Variants in SCGB2B2 observed in about 807,000 individuals in gnomAD.
SCGB2B2 encodes secretoglobin-like protein.
A neutral mutation model predicts 7.6 loss-of-function variants in SCGB2B2; 11 were observed. That is an observed-to-expected ratio of 1.45 (90% CI 0.91 to 2.40). The LOEUF is 2.40. Among genes scored for constraint, SCGB2B2 ranks in the 30% most tolerant of loss-of-function variants. The pLI, the probability that SCGB2B2 is intolerant of heterozygous loss-of-function variation, is 0.00. For missense variants in SCGB2B2, 104 were observed against 115.4 expected, an observed-to-expected ratio of 0.90 and a Z score of 0.45; for synonymous variants, 50 against 48.6, an observed-to-expected ratio of 1.03 and a Z score of -0.12.
chr19:34,642,933 A>C (rs1356719767), intron 1 of SCGB2B2, among the ~76,000 whole-genome samples: 1 of 152,220 alleles, frequency 6.6e-6, no homozygotes, highest in Non-Finnish European at 1.5e-5. Flanking sequence ...GATATGGAGA[A>C]AAATGAACTC....
chr19:34,663,983 C>A (rs1463618760), intron 1 of SCGB2B2, among the ~76,000 whole-genome samples: 2 of 150,392 alleles, frequency 1.3e-5, no homozygotes, highest in East Asian at 4.0e-4. Flanking sequence ...CCACCCCACC[C>A]CTCCCCCATG....
At chr19:34,645,715 C>T in intron 1 of SCGB2B2, 1 of 412,084 alleles carries the variant, frequency 2.4e-6, no homozygotes, top group Non-Finnish European at 4.9e-6. Context: ...TCTGCAGCGT[C>T]CAGCTGGGTG....
At chr19:34,615,749 A>G (rs901046400) in intron 1 of SCGB2B2, among the ~76,000 whole-genome samples, 1 of 151,940 alleles carries the variant, frequency 6.6e-6, no homozygotes, top group African/African-American at 2.4e-5. Context: ...TTTAAAATAG[A>G]TTGGTTACAT....
Position 34,606,471 on chromosome 19 carries a change from G to A in SCGB2B2, c.-2031-9877C>T, listed in dbSNP as rs116210073. ...ATTATTTGAGTAAAAAGGGAGAGCA[G>A]AAGAAACTTTTTGAGGGGTAGGAAA... is the stretch of plus-strand genomic sequence containing the variant. On this transcript the variant is annotated intron_variant, in intron 1 of 3. Transcript: ENST00000601241. 4.4e-3 allele frequency among the ~76,000 whole-genome samples: 673 copies of A among 151,478 alleles called. 8 individuals are homozygous for A. The highest frequency in any genetic ancestry group is 0.016 in the African/African-American group (648 of 41,376).
intron 1 of SCGB2B2, among the ~76,000 whole-genome samples, chr19:34,615,424 C>T (rs185410403): frequency 6.8e-6 from 1 of 147,240 alleles, no homozygotes; most frequent in East Asian, 2.0e-4. Context: ...GGGGATGGGA[C>T]AGTGGAGGTC....
intron 1 of SCGB2B2, among the ~76,000 whole-genome samples, chr19:34,661,455 A>C (rs1249840790): frequency 6.6e-6 from 1 of 152,206 alleles, no homozygotes; most frequent in African/African-American, 2.4e-5. Flanking sequence ...GCTGTTTCTA[A>C]ACATCTGGCA....
intron 1 of SCGB2B2, among the ~76,000 whole-genome samples, chr19:34,636,881 T>C (rs963850736): frequency 1.4e-4 from 21 of 152,254 alleles, no homozygotes; most frequent in Non-Finnish European, 2.8e-4. Flanking sequence ...CAGGCATCCA[T>C]GTCTCTTCCT....
At chr19:34,609,269 C>T (rs1314632703) in intron 1 of SCGB2B2, among the ~76,000 whole-genome samples, 1 of 151,978 alleles carries the variant, frequency 6.6e-6, no homozygotes. Flanking sequence ...TCCCATTCTG[C>T]AAGTCATCTC....
chr19:34,601,166 T>C (rs1283147083), intron 1 of SCGB2B2, among the ~76,000 whole-genome samples: 2 of 152,246 alleles, frequency 1.3e-5, no homozygotes. Flanking sequence ...TACTGCTCTG[T>C]GTCCTCTTTG....
chr19:34,588,908 C>CA (rs1473749882), downstream of SCGB2B2, among the ~76,000 whole-genome samples: 5 of 152,082 alleles, frequency 3.3e-5, no homozygotes, highest in South Asian at 6.2e-4. Context: ...AGGTCAGAGA[C>CA]AAAAAGAAAC....
At chr19:34,665,933 G>T (rs933458834) in intron 1 of SCGB2B2, among the ~76,000 whole-genome samples, 1 of 152,098 alleles carries the variant, frequency 6.6e-6, no homozygotes, top group African/African-American at 2.4e-5. Context: ...GTGCTCTGGG[G>T]TCCAGAGAAG....
intron 1 of SCGB2B2, among the ~76,000 whole-genome samples, chr19:34,627,538 A>G (rs965375659): frequency 6.6e-6 from 1 of 152,238 alleles, no homozygotes; most frequent in Non-Finnish European, 1.5e-5. Flanking sequence ...ACATAATGGT[A>G]AAGGGATCAA....
downstream of SCGB2B2, among the ~76,000 whole-genome samples, chr19:34,588,471 C>T (rs1416686333): frequency 6.6e-6 from 1 of 152,178 alleles, no homozygotes; most frequent in East Asian, 1.9e-4. Context: ...GAGGCTTGGC[C>T]GAGTGGCACC....
intron 1 of SCGB2B2, among the ~76,000 whole-genome samples, chr19:34,608,171 C>T (rs1395598941): frequency 6.6e-6 from 1 of 152,050 alleles, no homozygotes; most frequent in African/African-American, 2.4e-5. Flanking sequence ...AAGTATTACA[C>T]CTCTTTGGCT....
intron 1 of SCGB2B2, among the ~76,000 whole-genome samples, chr19:34,607,715 T>C (rs1168657856): frequency 6.6e-6 from 1 of 152,262 alleles, no homozygotes; most frequent in Admixed American, 6.5e-5. Context: ...TGAACATCTT[T>C]TCATGCATCT....
rs1405346165 is a variant in SCGB2B2, at chr19:34,592,398, A to G, written c.*1157T>C. ...TCCCATGGAAGGGGAGTGAGGCTGG[A>G]GGCAGGGAGACTCAGAGGGATGGAG... is the stretch of plus-strand genomic sequence containing the variant. On this transcript the variant is annotated 3_prime_UTR_variant, in exon 4 of 4. Transcript: ENST00000601241. Among the ~76,000 whole-genome samples, 3 of 151,862 alleles carry G rather than the reference A, an allele frequency of 2.0e-5. No homozygotes were observed. Among genetic ancestry groups the G allele is most frequent in the African/African-American group, 7.2e-5 (3 of 41,402 alleles).
chr19:34,674,277 C>G (rs1234687675), intron 1 of SCGB2B2, among the ~76,000 whole-genome samples: 1 of 152,120 alleles, frequency 6.6e-6, no homozygotes, highest in Non-Finnish European at 1.5e-5. Context: ...GGATCCTGGT[C>G]TTGTCTGAAA....
downstream of SCGB2B2, among the ~76,000 whole-genome samples, chr19:34,588,443 G>GC (rs1037154028): frequency 5.1e-4 from 77 of 152,350 alleles, 1 homozygote; most frequent in African/African-American, 1.8e-3. Context: ...TGTGAGTCAG[G>GC]CCGGGCCAGG....
intron 1 of SCGB2B2, among the ~76,000 whole-genome samples, chr19:34,644,328 C>T (rs1015551093): frequency 1.3e-5 from 2 of 151,236 alleles, no homozygotes; most frequent in African/African-American, 2.4e-5. Flanking sequence ...GCCACCTTGC[C>T]CAGCCCCAGC....
Sources: gnomAD v4.1 joint callset for allele counts (sites outside exome capture counted in the v4.1 genomes callset) on GRCh38, gnomAD v4.1.1 for gene constraint, MANE v1.5 for transcripts, NCBI Gene and HGNC (gene_info 2026-07-23, HGNC 2026-07-21) for gene names.